Variants in RTL9 observed in about 807,000 individuals in gnomAD.
RTL9 encodes retrotransposon Gag-like protein 9.
In RTL9, 19 loss-of-function variants were observed where a neutral mutation model predicts 44.7. The observed-to-expected ratio is 0.42, with a 90% CI of 0.30 to 0.62. The LOEUF (loss-of-function observed/expected upper bound fraction) is 0.62, where lower values mean the gene tolerates loss of function less well. Ranked by LOEUF, RTL9 falls within the 20% of genes least tolerant of loss-of-function variation. The pLI, the probability that RTL9 is intolerant of heterozygous loss-of-function variation, is 0.16. For synonymous variants in RTL9, 407 were observed against 398.9 expected (o/e 1.02, Z -0.24); for missense variants, 1,105 against 1,080.6 (o/e 1.02, Z -0.32).
intron 1 of RTL9, among the ~76,000 whole-genome samples, chrX:110,387,976 C>G (rs759608942): frequency 2.8e-5 from 3 of 108,469 alleles, no homozygotes; most frequent in Admixed American, 9.8e-5. Context: ...ATTCTCCTGC[C>G]TCAGCCTCCC....
chrX:110,451,123 T>C (rs765559598), exon 1 of RTL9: 3 of 1,210,941 alleles, frequency 2.5e-6, no homozygotes, highest in Admixed American at 4.4e-5. Context: ...CCATTGGCAA[T>C]GCCAGCTCCA....
chrX:110,359,619 A>C (rs779305644), intron 1 of RTL9, among the ~76,000 whole-genome samples: 16 of 111,645 alleles, frequency 1.4e-4, no homozygotes, highest in African/African-American at 4.6e-4. Flanking sequence ...GAATTTAACT[A>C]TCTATTCATT....
Position 110,407,420 on chromosome X carries a change from T to A in RTL9, c.-167-37733T>A, listed in dbSNP as rs191758338. 1.6e-3 allele frequency among the ~76,000 whole-genome samples: 182 copies of A among 111,857 alleles called. 1 individual carries two copies. In the East Asian group the frequency reaches 0.042, roughly 26 times the overall value. On this transcript the variant is annotated intron_variant, in intron 1 of 2. Coordinates refer to the RTL9 transcript ENST00000520821. The stretch of plus-strand genomic sequence containing the variant: ...AATATATAGGATAGGACAGGTAAGG[T>A]CAGCAGAAGCCACTTTTCAGCACAT...
At chrX:110,376,378 T>C (rs753544332) in intron 1 of RTL9, among the ~76,000 whole-genome samples, 5 of 111,223 alleles carry the variant, frequency 4.5e-5, no homozygotes, top group Non-Finnish European at 9.4e-5. Flanking sequence ...GACAGGGATG[T>C]CAGAGTGAGG....
At chrX:110,418,980 C>T (rs1034966700), upstream of RTL9, 11 of 107,447 alleles carry the variant, frequency 1.0e-4, no homozygotes, top group Non-Finnish European at 1.5e-4. Context: ...GACTCACCAA[C>T]AAAAACGACT....
chrX:110,396,569 C>T (rs371113227), intron 1 of RTL9, among the ~76,000 whole-genome samples: 1 of 112,123 alleles, frequency 8.9e-6, no homozygotes, highest in South Asian at 3.7e-4. Context: ...TCTTGCACCT[C>T]CTCAGAGCTG....
Position 110,440,389 on chromosome X carries a change from A to G in RTL9, c.-167-4764A>G, listed in dbSNP as rs1451702076. ...ATGCCTTGCTGAAACCTGAGAAAGA[A>G]TTGCTGAATTTAAAGATCTGGGTCG... On this transcript the variant is annotated intron_variant, in intron 1 of 3. Coordinates refer to the RTL9 transcript ENST00000465301. Among the ~76,000 whole-genome samples, 4 of 112,231 alleles carry G rather than the reference A, an allele frequency of 3.6e-5. No homozygotes were observed. The East Asian group carries it at 1.1e-3, about 31-fold the overall frequency.
At chrX:110,436,703 C>T (rs1459219512) in intron 1 of RTL9, among the ~76,000 whole-genome samples, 1 of 111,567 alleles carries the variant, frequency 9.0e-6, no homozygotes, top group South Asian at 3.8e-4. Context: ...TGGGGAGGGA[C>T]AGAGAGAGAA....
intron 1 of RTL9, among the ~76,000 whole-genome samples, chrX:110,404,362 T>C (rs753036871): frequency 8.9e-6 from 1 of 111,762 alleles, no homozygotes; most frequent in Non-Finnish European, 1.9e-5. Flanking sequence ...GCCCAGCTAT[T>C]ACACATAATA....
At chrX:110,453,805 C>A (rs764952748) in exon 1 of RTL9, 1 of 1,211,600 alleles carries the variant, frequency 8.3e-7, no homozygotes, top group East Asian at 3.0e-5. Context: ...CAAATGACAG[C>A]CACAGACTCT....
chrX:110,409,051 T>G (rs1331934018), intron 1 of RTL9, among the ~76,000 whole-genome samples: 1 of 111,721 alleles, frequency 9.0e-6, no homozygotes, highest in Non-Finnish European at 1.9e-5. Flanking sequence ...GCCAGGACCA[T>G]GTGTTTTGCT....
exon 1 of RTL9, chrX:110,419,103 T>G (rs986773813): frequency 1.8e-5 from 2 of 112,294 alleles, no homozygotes; most frequent in Non-Finnish European, 3.8e-5. Context: ...TTCTACAACA[T>G]ATGGAGCGCC....
chrX:110,365,046 G>A (rs958039417), intron 1 of RTL9, among the ~76,000 whole-genome samples: 1 of 111,538 alleles, frequency 9.0e-6, no homozygotes, highest in African/African-American at 3.3e-5. Context: ...TCTTTGCAGG[G>A]GAATTGCCCT....
chrX:110,442,443 C>T (rs1434063371), intron 1 of RTL9, among the ~76,000 whole-genome samples: 1 of 111,616 alleles, frequency 9.0e-6, no homozygotes, highest in Non-Finnish European at 1.9e-5. Context: ...GCAAGCTCTG[C>T]AATGAGTAAA....
intron 1 of RTL9, among the ~76,000 whole-genome samples, chrX:110,408,845 A>G (rs2068621164): frequency 1.8e-5 from 2 of 112,728 alleles, no homozygotes; most frequent in Admixed American, 1.9e-4. Context: ...TTTATTATGT[A>G]TTGCTTTATT....
chrX:110,396,906 TG>T (rs1365111654), intron 1 of RTL9, among the ~76,000 whole-genome samples: 1 of 112,127 alleles, frequency 8.9e-6, no homozygotes, highest in Non-Finnish European at 1.9e-5. Context: ...TGGACTCCTA[TG>T]TTTGTTTTCC....
In RTL9 at chrX:110,455,194, A is replaced by C; in HGVS notation, c.4048-8A>C. On this transcript the variant is annotated splice_region_variant and splice_polypyrimidine_tract_variant and intron_variant, in intron 1 of 1. Transcript: ENST00000540313. ...CTCTTACCTCTGTTGTCTTTTTCTC[A>C]CTCCCAGCACCAGCATGTTTCCAAA... 8.3e-7 allele frequency: 1 copy of C among 1,207,917 alleles called. No homozygotes were observed. Among genetic ancestry groups the C allele is most frequent in the East Asian group, 3.0e-5 (1 of 33,779 alleles).
intron 1 of RTL9, among the ~76,000 whole-genome samples, chrX:110,369,936 G>A (rs761077296): frequency 1.2e-4 from 13 of 110,989 alleles, no homozygotes; most frequent in African/African-American, 2.3e-4. Flanking sequence ...ACTTGTGTGC[G>A]TGTGTACATG....
chrX:110,450,281 T>C (rs1424981759), upstream of RTL9, among the ~76,000 whole-genome samples: 1 of 111,607 alleles, frequency 9.0e-6, no homozygotes, highest in Non-Finnish European at 1.9e-5. Context: ...GCTGCTGCTT[T>C]ATTTGAGTCA....
Sources: allele counts gnomAD v4.1 joint callset (sites outside exome capture counted in the v4.1 genomes callset), GRCh38; gene constraint gnomAD v4.1.1; transcripts MANE v1.5; gene names NCBI Gene and HGNC (gene_info 2026-07-23, HGNC 2026-07-21).